The following MEGF6 variants were observed in gnomAD, a reference collection of about 807,000 sequenced individuals.
MEGF6 encodes multiple epidermal growth factor-like domains protein 6.
MEGF6 carries 184 observed loss-of-function variants against 207.1 expected under a neutral mutation model. The observed-to-expected ratio is 0.89, with a 90% CI of 0.79 to 1.00. The LOEUF is 1.00. MEGF6 is among the 50% of genes least tolerant of loss of function. The pLI, the probability that MEGF6 is intolerant of heterozygous loss-of-function variation, is 0.00. For synonymous variants in MEGF6, 1,038 were observed against 910.0 expected (o/e 1.14, Z -2.53); for missense variants, 2,282 against 2,202.9 (o/e 1.04, Z -0.72).
intron 4 of MEGF6, among the ~76,000 whole-genome samples, chr1:3,571,039 G>A (rs1036275636): frequency 1.3e-5 from 2 of 152,204 alleles, no homozygotes; most frequent in African/African-American, 4.8e-5. Flanking sequence ...CATGTTCCTC[G>A]GGGGCCTCCA....
At chr1:3,503,918 G>C (rs112389875) in intron 17 of MEGF6, among the ~76,000 whole-genome samples, 39 of 152,298 alleles carry the variant, frequency 2.6e-4, no homozygotes, top group Admixed American at 4.6e-4. Flanking sequence ...GCCAGTCCAG[G>C]TCAGGAGTCT....
chr1:3,564,341 A>G (rs1643288058), intron 4 of MEGF6, among the ~76,000 whole-genome samples: 1 of 151,940 alleles, frequency 6.6e-6, no homozygotes, highest in Admixed American at 6.5e-5. Flanking sequence ...CTGCCTGGAC[A>G]AACAGCTACT....
At position 3,560,694 on chromosome 1, in the gene MEGF6, GTTTCCAGGGCAACCCT is replaced by G; in HGVS notation, c.481+19115_481+19130del. 6.6e-6 allele frequency: 3 copies of G among 455,606 alleles called. No individual in the cohort carries two copies. In the Middle Eastern group the frequency reaches 9.9e-4, roughly 150 times the overall value. The allele number at this position is 455,606 out of a possible 1,614,324, so 28.2% of individuals were successfully genotyped here. A position where few individuals can be genotyped will look rare whatever the true frequency, so the allele number is the denominator to read the frequency against. On this transcript the variant is annotated intron_variant, in intron 4 of 36. Coordinates refer to ENST00000356575, the MANE Select transcript of MEGF6 (RefSeq NM_001409.4). This position sits in a 1 kb window ranked among gnomAD's most constrained non-coding sequence, Gnocchi z 4.0. ...TGCCATCAACCCCTCCCCATCTGTG[GTTTCCAGGGCAACCCT>G]GGAAACCAAGAGTGGGTCGCCTAGA...
At chr1:3,616,469 C>T (rs918742395), upstream of MEGF6, among the ~76,000 whole-genome samples, 5 of 152,144 alleles carry the variant, frequency 3.3e-5, no homozygotes, top group East Asian at 1.9e-4. Flanking sequence ...CACCCCGGAC[C>T]GCCCCAGTCT....
intron 3 of MEGF6, among the ~76,000 whole-genome samples, chr1:3,582,383 C>T (rs1643820478): frequency 6.6e-6 from 1 of 152,160 alleles, no homozygotes. Context: ...CATTCACCTG[C>T]ATCCCGTCCA....
chr1:3,540,796 G>A (rs1213425595), intron 4 of MEGF6, among the ~76,000 whole-genome samples: 1 of 152,132 alleles, frequency 6.6e-6, no homozygotes, highest in Non-Finnish European at 1.5e-5. Flanking sequence ...AGCCTTCCTG[G>A]CCTCCTCACT....
At position 3,497,298 on chromosome 1, in the gene MEGF6, G is replaced by A. The variant is rs1419307156; in HGVS notation, c.3416C>T (p.Ala1139Val). ...AQRCSCPPGA[A>V]CHHVTGACRC... ...GCAGGCCCCAGTGACGTGGTGGCAG[G>A]CAGCGCCAGGCGGGCAGCTGCAGCG... The change falls in exon 27 of 37, where the codon GCC (alanine) becomes GTC (valine). Residue 1139 changes from alanine (A) to valine (V), a missense_variant. Physicochemically the swap from Ala to Val is moderately conservative, Grantham distance 64. Transcript: ENST00000356575. 2 of 1,551,128 alleles carry A rather than the reference G, an allele frequency of 1.3e-6. No individual in the cohort carries two copies. Among genetic ancestry groups the A allele is most frequent in the Non-Finnish European group, 1.7e-6 (2 of 1,152,384 alleles).
intron 32 of MEGF6, 63 bp downstream of exon 32, chr1:3,494,308 C>A: frequency 1.3e-6 from 2 of 1,501,964 alleles, no homozygotes; most frequent in Non-Finnish European, 1.8e-6. Context: ...GGATCACCCA[C>A]ACGGGAGGAG....
intron 1 of MEGF6, among the ~76,000 whole-genome samples, chr1:3,603,883 T>C (rs1326089563): frequency 1.3e-5 from 2 of 152,206 alleles, no homozygotes; most frequent in East Asian, 3.9e-4. Flanking sequence ...AGGACTTATT[T>C]TTCCTCTTTC....
intron 3 of MEGF6, among the ~76,000 whole-genome samples, chr1:3,585,902 G>A (rs1459398425): frequency 5.4e-5 from 8 of 146,854 alleles, no homozygotes; most frequent in African/African-American, 7.6e-5. Flanking sequence ...GTGTGGACAC[G>A]TCCTGTGTGT....
At chr1:3,579,950 T>G (rs759161077) in intron 3 of MEGF6, 21 bp from the exon 4 acceptor site, 3 of 1,485,746 alleles carry the variant, frequency 2.0e-6, no homozygotes, top group Admixed American at 2.7e-5. Context: ...AAGGAGAAAA[T>G]CGGTGAGAGG....
chr1:3,523,080 G>GT (rs906850318), intron 5 of MEGF6, among the ~76,000 whole-genome samples: 11 of 152,054 alleles, frequency 7.2e-5, no homozygotes, highest in Non-Finnish European at 1.3e-4. Context: ...GTGCCGGGGG[G>GT]GGGGCCCCAG....
chr1:3,522,366 A>T (rs1557746138), intron 5 of MEGF6, among the ~76,000 whole-genome samples: 1 of 152,094 alleles, frequency 6.6e-6, no homozygotes, highest in Non-Finnish European at 1.5e-5. Context: ...CGACACCCTG[A>T]GGGGGTGACA....
At chr1:3,514,471 G>C in intron 7 of MEGF6, 79 bp downstream of exon 7, 2 of 1,480,116 alleles carry the variant, frequency 1.4e-6, no homozygotes, top group Non-Finnish European at 1.8e-6. Context: ...CGGCCCCAGA[G>C]TTAGACACGG....
At position 3,515,415 on chromosome 1, in the gene MEGF6, G is replaced by A. The variant is rs1489526447; in HGVS notation, c.717C>T (p.Gly239=). Residue 239 remains glycine (G), a synonymous_variant, in exon 6 of 37, where the codon GGC becomes GGT. Transcript: ENST00000356575. ...GGCAGCACTCACGGACACAATGCCT[G>A]CCGTCCTCCTGGAGCTGGAACCCGG... The part of the protein sequence containing the change: ...CRPGFQLQED[G]RHCVRRSPCA... 2 of 1,611,892 alleles carry A rather than the reference G, an allele frequency of 1.2e-6. No individual in the cohort carries two copies. The highest frequency in any genetic ancestry group is 1.7e-5 in the Admixed American group (1 of 59,940).
intron 3 of MEGF6, 100 bp from the exon 4 acceptor site, chr1:3,580,029 G>C: frequency 1.3e-6 from 1 of 798,394 alleles, no homozygotes; most frequent in Non-Finnish European, 1.9e-6. Flanking sequence ...CACCCAGCCT[G>C]CCAGGTCCCC....
chr1:3,589,378 C>T (rs918429991), intron 3 of MEGF6, among the ~76,000 whole-genome samples: 1 of 152,114 alleles, frequency 6.6e-6, no homozygotes, highest in African/African-American at 2.4e-5. Flanking sequence ...CCCCCCACCC[C>T]ACGCCCGTCC....
chr1:3,501,798 G>A lies in MEGF6; in HGVS notation c.2312C>T (p.Ala771Val), dbSNP rs1010937094. ...CTGGGGCTGCGGCTGACACTCACCTGCCTCACAGTCTTCCCCAGTCCTCCC... is the reference window on the plus strand; with the variant it reads ...CTGGGGCTGCGGCTGACACTCACCTACCTCACAGTCTTCCCCAGTCCTCCC... ...PPGRTGEDCE[A>V]DCPEGRWGLG... Residue 771 changes from alanine (A) to valine (V), a missense_variant and splice_region_variant, in exon 18 of 37, where the codon GCA becomes GTA. Physicochemically the swap from Ala to Val is moderately conservative, Grantham distance 64. Transcript: ENST00000356575. The A allele has an allele frequency of 4.3e-6, 7 of 1,610,280 alleles. No individual in the cohort carries two copies. The highest frequency in any genetic ancestry group is 5.9e-6 in the Non-Finnish European group (7 of 1,178,852).
chr1:3,528,010 G>C (rs1286108438), intron 4 of MEGF6, among the ~76,000 whole-genome samples: 1 of 152,222 alleles, frequency 6.6e-6, no homozygotes, highest in African/African-American at 2.4e-5. Context: ...GGGCTGTGGT[G>C]GGGGAGACAG....
Sources: allele counts gnomAD v4.1 joint callset (sites outside exome capture counted in the v4.1 genomes callset), GRCh38; gene constraint gnomAD v4.1.1; non-coding constraint Gnocchi (gnomAD v3.1); transcripts MANE v1.5; gene names NCBI Gene and HGNC (gene_info 2026-07-23, HGNC 2026-07-21).